Variants in PCDH15 observed in about 807,000 individuals in gnomAD.
The protein encoded by PCDH15 is protocadherin related 15, also known as protocadherin-15.
PCDH15 carries 129 observed loss-of-function variants against 178.5 expected under a neutral mutation model. The observed-to-expected ratio is 0.72, with a 90% confidence interval of 0.63 to 0.84. The LOEUF is 0.84. PCDH15 is among the 40% of genes least tolerant of loss of function. The pLI is 0.00. For synonymous variants in PCDH15, 800 were observed against 732.0 expected (o/e 1.09, Z -1.50); for missense variants, 2,230 against 2,099.9 (o/e 1.06, Z -1.21).
chr10:55,097,806 G>C (rs1327092169), intron 2 of PCDH15, among the ~76,000 whole-genome samples: 1 of 152,028 alleles, frequency 6.6e-6, no homozygotes. Flanking sequence ...GAAAATAGCA[G>C]TTGTTGAACT....
chr10:54,298,232 C>T (rs61853313), intron 8 of PCDH15, among the ~76,000 whole-genome samples: 30,394 of 151,992 alleles, frequency 0.2, 3,127 homozygotes, highest in Admixed American at 0.23. Context: ...GTCTATTGAT[C>T]CTAAAAGATA....
intron 13 of PCDH15, among the ~76,000 whole-genome samples, chr10:54,153,948 G>C (rs1243794449): frequency 6.6e-6 from 1 of 152,148 alleles, no homozygotes; most frequent in Non-Finnish European, 1.5e-5. Flanking sequence ...CATAGCCCAA[G>C]AAATGTTTCT....
chr10:55,185,874 T>C (rs958982123), intron 1 of PCDH15, among the ~76,000 whole-genome samples: 8 of 151,720 alleles, frequency 5.3e-5, no homozygotes, highest in East Asian at 1.9e-4. Flanking sequence ...ACTGTTTGGA[T>C]TGAAATATTT....
intron 28 of PCDH15, among the ~76,000 whole-genome samples, chr10:53,850,390 T>C (rs914122286): frequency 6.6e-6 from 1 of 152,114 alleles, no homozygotes; most frequent in Non-Finnish European, 1.5e-5. Flanking sequence ...AACTATGATT[T>C]CTTTAATCAT....
chr10:53,920,967 A>T (rs1376570252), intron 25 of PCDH15, among the ~76,000 whole-genome samples: 1 of 152,198 alleles, frequency 6.6e-6, no homozygotes. Flanking sequence ...GGTATACAAC[A>T]TATTAAATAA....
chr10:54,973,768 G>C (rs1838993860), intron 2 of PCDH15, among the ~76,000 whole-genome samples: 1 of 152,002 alleles, frequency 6.6e-6, no homozygotes, highest in South Asian at 2.1e-4. Context: ...TCTGGAAAAA[G>C]AAACAACCTC....
intron 2 of PCDH15, among the ~76,000 whole-genome samples, chr10:55,095,890 A>C (rs1842438927): frequency 6.6e-6 from 1 of 152,076 alleles, no homozygotes; most frequent in South Asian, 2.1e-4. Context: ...GTAGTTATAG[A>C]TTTTTAAGTG....
rs1943291057 is a variant in PCDH15 at position 54,346,399 on chromosome 10, A to G, written c.560T>C (p.Ile187Thr). 5 of 1,613,510 alleles carry G rather than the reference A, an allele frequency of 3.1e-6. No individual in the cohort carries two copies. The highest frequency in any genetic ancestry group is 4.2e-6 in the Non-Finnish European group (5 of 1,179,508). ...TDIDDGPNGQ[I>T]EYVIQYNPDD... ...TGGATTATACTGAATAACATACTCT[A>G]TCTGTCCATTTGGTCCATCATCTAT... Residue 187 changes from isoleucine (I) to threonine (T), a missense_variant, in exon 6 of 38, where the codon ATA (isoleucine) becomes ACA (threonine). Transcript: ENST00000644397.
intron 3 of PCDH15, among the ~76,000 whole-genome samples, chr10:54,489,880 C>T (rs562997310): frequency 4.6e-5 from 7 of 152,238 alleles, no homozygotes; most frequent in Non-Finnish European, 8.8e-5. Flanking sequence ...TTGATTTCAA[C>T]TGTCCTGTCT....
At chr10:54,279,688 C>A (rs2058562886) in intron 8 of PCDH15, among the ~76,000 whole-genome samples, 1 of 151,688 alleles carries the variant, frequency 6.6e-6, no homozygotes, top group African/African-American at 2.4e-5. Context: ...TTACAATTAG[C>A]AGCAGATTCT....
In PCDH15 at chr10:54,247,965, T is replaced by TAA. The variant is rs1219174871; in HGVS notation, c.877-11035_877-11034insTT. On this transcript the variant is annotated intron_variant, in intron 8 of 37. Coordinates refer to ENST00000644397, the MANE Select transcript of PCDH15 (RefSeq NM_001384140.1). ...ATATATATATATATATATATACACA[T>TAA]ACAGTAAATGACATTCTTAATATGT... Among the ~76,000 whole-genome samples, 104 of 140,798 alleles carry TAA rather than the reference T, an allele frequency of 7.4e-4. 1 individual carries two copies. Among genetic ancestry groups the TAA allele is most frequent in the African/African-American group, 2.6e-3 (94 of 36,118 alleles). 92.4% of individuals were successfully genotyped at this position (140,798 alleles called of 152,430 possible). A position where few individuals can be genotyped will look rare whatever the true frequency, so the allele number is the denominator to read the frequency against.
chr10:54,292,572 C>A (rs534885824), intron 8 of PCDH15, among the ~76,000 whole-genome samples: 2 of 152,200 alleles, frequency 1.3e-5, no homozygotes, highest in East Asian at 3.9e-4. Flanking sequence ...TTTAGAAAGC[C>A]CCATTGTCTC....
intron 5 of PCDH15, among the ~76,000 whole-genome samples, chr10:54,362,906 T>G (rs959681005): frequency 6.6e-6 from 1 of 152,156 alleles, no homozygotes; most frequent in Non-Finnish European, 1.5e-5. Flanking sequence ...TCATTATTCT[T>G]GTTTTAATCT....
chr10:54,519,158 G>A (rs1476896573), intron 3 of PCDH15, among the ~76,000 whole-genome samples: 1 of 152,114 alleles, frequency 6.6e-6, no homozygotes, highest in African/African-American at 2.4e-5. Flanking sequence ...GCACAAGACA[G>A]GGATGCCCTC....
rs1943308939 is a variant in PCDH15, at chr10:54,346,497, A to C, written c.475-13T>G. ...CAACTGGAGTGAGCTGAAAGGAAAAAAGATTTTAAATATCAATTTTCATTT... is the reference window on the plus strand; with the variant it reads ...CAACTGGAGTGAGCTGAAAGGAAAACAGATTTTAAATATCAATTTTCATTT... On this transcript the variant is annotated splice_polypyrimidine_tract_variant and intron_variant, in intron 5 of 37. Coordinates refer to ENST00000644397, the MANE Select transcript of PCDH15 (RefSeq NM_001384140.1). 6.2e-7 allele frequency: 1 copy of C among 1,612,930 alleles called. No individual in the cohort carries two copies. Among genetic ancestry groups the C allele is most frequent in the East Asian group, 2.2e-5 (1 of 44,808 alleles).
chr10:54,728,949 C>A (rs1051201258), intron 1 of PCDH15, among the ~76,000 whole-genome samples: 4 of 151,512 alleles, frequency 2.6e-5, no homozygotes, highest in African/African-American at 7.3e-5. Flanking sequence ...GAAATACATA[C>A]CATGCTCATG....
chr10:54,377,183 G>T (rs10763104), intron 4 of PCDH15, among the ~76,000 whole-genome samples: 24,487 of 151,774 alleles, frequency 0.16, 2,374 homozygotes, highest in African/African-American at 0.27. Flanking sequence ...ATAAAATGTG[G>T]CAGAATAAAC....
intron 8 of PCDH15, among the ~76,000 whole-genome samples, chr10:54,242,073 T>C (rs2055363252): frequency 7.1e-6 from 1 of 141,100 alleles, no homozygotes; most frequent in Non-Finnish European, 1.5e-5. Context: ...GGGTTAATTA[T>C]GCCTCATGAA....
At chr10:55,073,693 ATT>A (rs1029376419) in intron 2 of PCDH15, among the ~76,000 whole-genome samples, 2 of 151,972 alleles carry the variant, frequency 1.3e-5, no homozygotes, top group African/African-American at 4.8e-5. Flanking sequence ...CCCCTCTTCA[ATT>A]TTTTATAATA....
Sources: allele counts gnomAD v4.1 joint callset (sites outside exome capture counted in the v4.1 genomes callset), GRCh38; gene constraint gnomAD v4.1.1; transcripts MANE v1.5; gene names NCBI Gene and HGNC (gene_info 2026-07-23, HGNC 2026-07-21).